SKIC2: variants seen among roughly 807,000 people sequenced by gnomAD.
SKIC2 encodes the protein SKI2 subunit of superkiller complex, also known as superkiller complex protein 2.
the SKIC2 span, chr6:31,968,129 G>C: frequency 6.2e-7 from 1 of 1,608,530 alleles, no homozygotes; most frequent in Non-Finnish European, 8.5e-7. The surrounding 1 kb of genome is among the most constrained non-coding windows in gnomAD (Gnocchi z 6.1). Flanking sequence ...GGCACGTAGA[G>C]GCAGGGAGGG....
chr6:31,962,157 T>C, the SKIC2 span: 1 of 1,227,002 alleles, frequency 8.1e-7, no homozygotes, highest in Non-Finnish European at 1.2e-6. This position sits in a 1 kb window ranked among gnomAD's most constrained non-coding sequence, Gnocchi z 5.0. Context: ...GCTCATCCTT[T>C]AAGTGAGAGG....
chr6:31,968,882 C>T, the SKIC2 span: 1 of 1,612,714 alleles, frequency 6.2e-7, no homozygotes, highest in Non-Finnish European at 8.5e-7. The surrounding 1 kb of genome is among the most constrained non-coding windows in gnomAD (Gnocchi z 6.1). Flanking sequence ...TGCTCCGAAC[C>T]CTGGGTTATG....
chr6:31,959,892 G>T, the SKIC2 span: 7 of 757,116 alleles, frequency 9.2e-6, 1 homozygote, highest in Non-Finnish European at 1.6e-5. Flanking sequence ...AAGCCTGATT[G>T]TCCTAGTCTG....
the SKIC2 span, chr6:31,968,467 C>T: frequency 6.2e-7 from 1 of 1,613,002 alleles, no homozygotes; most frequent in Non-Finnish European, 8.5e-7. The surrounding 1 kb of genome is among the most constrained non-coding windows in gnomAD (Gnocchi z 6.1). Flanking sequence ...AGAGGGTGGG[C>T]TCCGGGCCCG....
At chr6:31,963,104 T>C in the SKIC2 span, 3 of 1,585,148 alleles carry the variant, frequency 1.9e-6, no homozygotes, top group Non-Finnish European at 2.6e-6. This position sits in a 1 kb window ranked among gnomAD's most constrained non-coding sequence, Gnocchi z 5.3. Flanking sequence ...GAGACGTGTG[T>C]CCCGGGTTGC....
the SKIC2 span, chr6:31,961,789 T>C: frequency 1.9e-6 from 3 of 1,546,882 alleles, no homozygotes; most frequent in Non-Finnish European, 2.6e-6. Context: ...CCAGTCTTGG[T>C]ACTCAGTCCC....
chr6:31,966,328 A>C, the SKIC2 span, among the ~76,000 whole-genome samples: 1 of 151,596 alleles, frequency 6.6e-6, no homozygotes, highest in Non-Finnish European at 1.5e-5. This position sits in a 1 kb window ranked among gnomAD's most constrained non-coding sequence, Gnocchi z 5.9. Context: ...TTGGTCTTGA[A>C]CTTCTGGGCT....
chr6:31,959,333 G>T, the SKIC2 span: 1 of 1,613,950 alleles, frequency 6.2e-7, no homozygotes, highest in Admixed American at 1.7e-5. Flanking sequence ...CTACCCCTTC[G>T]GGCCGTGGAG....
the SKIC2 span, chr6:31,969,061 G>A: frequency 6.2e-7 from 1 of 1,611,702 alleles, no homozygotes; most frequent in Non-Finnish European, 8.5e-7. The surrounding 1 kb of genome is among the most constrained non-coding windows in gnomAD (Gnocchi z 6.1). Context: ...GGGGACGCTG[G>A]GGATCAGCTC....
the SKIC2 span, chr6:31,966,642 C>A: frequency 1.9e-6 from 3 of 1,578,932 alleles, no homozygotes; most frequent in African/African-American, 2.7e-5. The surrounding 1 kb of genome is among the most constrained non-coding windows in gnomAD (Gnocchi z 5.9). Context: ...TAGGCCCAGT[C>A]CAGAAGACTG....
the SKIC2 span, chr6:31,962,663 G>A: frequency 1.4e-3 from 2,268 of 1,605,870 alleles, 2 homozygotes; most frequent in Admixed American, 2.7e-3. This position sits in a 1 kb window ranked among gnomAD's most constrained non-coding sequence, Gnocchi z 5.0. Context: ...TGTCTGAGGA[G>A]GGGGTGGAGA....
the SKIC2 span, chr6:31,963,154 G>C: frequency 5.1e-6 from 6 of 1,179,794 alleles, no homozygotes; most frequent in South Asian, 5.1e-5. This position sits in a 1 kb window ranked among gnomAD's most constrained non-coding sequence, Gnocchi z 5.3. Flanking sequence ...ATTCGGGTGG[G>C]GGACTAAGTC....
the SKIC2 span, chr6:31,963,321 C>A: frequency 1.6e-6 from 2 of 1,238,130 alleles, no homozygotes; most frequent in Non-Finnish European, 2.2e-6. The surrounding 1 kb of genome is among the most constrained non-coding windows in gnomAD (Gnocchi z 5.3). Context: ...TCAGAAAAGA[C>A]TGGGTAAAGT....
At chr6:31,963,113 G>T in the SKIC2 span, 1 of 1,544,920 alleles carries the variant, frequency 6.5e-7, no homozygotes, top group South Asian at 1.1e-5. This position sits in a 1 kb window ranked among gnomAD's most constrained non-coding sequence, Gnocchi z 5.3. Context: ...GTCCCGGGTT[G>T]CCTGGGTGAA....
At chr6:31,959,489 C>T in the SKIC2 span, 67 of 926,542 alleles carry the variant, frequency 7.2e-5, no homozygotes, top group Middle Eastern at 2.7e-4. Context: ...TAACCTTGTT[C>T]ATCTGTGCCT....
At chr6:31,969,658 A>G in the SKIC2 span, 2 of 1,610,478 alleles carry the variant, frequency 1.2e-6, no homozygotes. This position sits in a 1 kb window ranked among gnomAD's most constrained non-coding sequence, Gnocchi z 6.1. Flanking sequence ...AGATGGAGAC[A>G]GCGGCTACCT....
chr6:31,969,105 C>A, the SKIC2 span: 1 of 1,603,356 alleles, frequency 6.2e-7, no homozygotes, highest in Admixed American at 1.7e-5. This position sits in a 1 kb window ranked among gnomAD's most constrained non-coding sequence, Gnocchi z 6.1. Context: ...GGACACCACC[C>A]CTTTCTCCCT....
At chr6:31,968,356 ACTGCTGT>A in the SKIC2 span, 1 of 1,612,928 alleles carries the variant, frequency 6.2e-7, no homozygotes, top group Non-Finnish European at 8.5e-7. The surrounding 1 kb of genome is among the most constrained non-coding windows in gnomAD (Gnocchi z 6.1). Flanking sequence ...AGCCGTGACC[ACTGCTGT>A]CCAGGAACTG....
At chr6:31,964,427 G>A in the SKIC2 span, 3 of 1,001,734 alleles carry the variant, frequency 3.0e-6, no homozygotes, top group Non-Finnish European at 4.6e-6. This position sits in a 1 kb window ranked among gnomAD's most constrained non-coding sequence, Gnocchi z 5.0. Flanking sequence ...CAGAGGTTTA[G>A]GCAGGCCAGT....
Sources: allele counts gnomAD v4.1 joint callset (sites outside exome capture counted in the v4.1 genomes callset), GRCh38; gene constraint gnomAD v4.1.1; non-coding constraint Gnocchi (gnomAD v3.1); transcripts MANE v1.5; gene names NCBI Gene and HGNC (gene_info 2026-07-23, HGNC 2026-07-21).